The following STK32B variants were observed in gnomAD, a reference collection of about 807,000 sequenced individuals.
STK32B encodes the protein serine/threonine-protein kinase 32B.
Under a neutral mutation model 52.6 loss-of-function variants are expected in STK32B, and 43 were observed. The observed-to-expected ratio is 0.82, with a 90% CI of 0.64 to 1.05. The LOEUF is 1.05. Among genes scored for constraint, STK32B ranks in the 50% least tolerant of loss-of-function variants. The pLI is 0.00. For missense variants in STK32B, 621 were observed against 534.6 expected, an observed-to-expected ratio of 1.16 and a Z score of -1.59; for synonymous variants, 238 against 204.3, an observed-to-expected ratio of 1.17 and a Z score of -1.41.
the STK32B span, among the ~76,000 whole-genome samples, chr4:5,022,466 T>G: frequency 6.6e-6 from 1 of 152,214 alleles, no homozygotes; most frequent in South Asian, 2.1e-4. Flanking sequence ...AAATGTCTCC[T>G]TCACCACGAA....
chr4:5,260,492 T>A (rs1726640453), intron 3 of STK32B, among the ~76,000 whole-genome samples: 1 of 152,170 alleles, frequency 6.6e-6, no homozygotes, highest in Non-Finnish European at 1.5e-5. Context: ...AGCCTTTAAC[T>A]CTGCCTGGAA....
At chr4:5,236,722 C>T (rs1724663621) in intron 3 of STK32B, among the ~76,000 whole-genome samples, 1 of 152,174 alleles carries the variant, frequency 6.6e-6, no homozygotes, top group Non-Finnish European at 1.5e-5. Context: ...TGCTTCCATG[C>T]GTTGCTATAC....
intron 7 of STK32B, among the ~76,000 whole-genome samples, chr4:5,451,786 A>G (rs1413984021): frequency 1.3e-5 from 2 of 152,172 alleles, no homozygotes; most frequent in Non-Finnish European, 2.9e-5. Flanking sequence ...ACATTGCCAC[A>G]TATCCCCTGG....
intron 9 of STK32B, among the ~76,000 whole-genome samples, chr4:5,462,496 C>T (rs921774282): frequency 1.3e-5 from 2 of 152,120 alleles, no homozygotes; most frequent in African/African-American, 4.8e-5. Flanking sequence ...CAGTCTGCAT[C>T]CCATTTCCCA....
intron 6 of STK32B, among the ~76,000 whole-genome samples, chr4:5,426,129 T>G (rs541494680): frequency 6.6e-6 from 1 of 152,296 alleles, no homozygotes; most frequent in South Asian, 2.1e-4. Flanking sequence ...GAAGTGAGAT[T>G]GCTGGATCAT....
chr4:5,038,836 A>G, the STK32B span, among the ~76,000 whole-genome samples: 2 of 152,136 alleles, frequency 1.3e-5, no homozygotes, highest in East Asian at 3.9e-4. Flanking sequence ...TTATAAAAAC[A>G]TATTTTATTT....
At chr4:5,458,147 G>C (rs971579586) in intron 8 of STK32B, among the ~76,000 whole-genome samples, 41 of 152,128 alleles carry the variant, frequency 2.7e-4, no homozygotes, top group African/African-American at 9.7e-4. Context: ...ACCTGGGGTG[G>C]GCCCCACTGT....
At chr4:5,337,699 G>A (rs190057635) in intron 4 of STK32B, among the ~76,000 whole-genome samples, 261 of 151,836 alleles carry the variant, frequency 1.7e-3, no homozygotes, top group African/African-American at 6.0e-3. Flanking sequence ...GTTGAGTTAC[G>A]AGAGGTTCAG....
chr4:5,330,500 A>T (rs1430296835), intron 3 of STK32B, among the ~76,000 whole-genome samples: 1 of 152,074 alleles, frequency 6.6e-6, no homozygotes, highest in East Asian at 1.9e-4. Context: ...TAATCATCTC[A>T]TGTTCTGTGG....
chr4:5,316,956 TATA>T lies in STK32B; in HGVS notation c.261-14260_261-14258del, dbSNP rs1730946110. ...TATATATAATATATAATATGTATGA[TATA>T]ATATATATAATATATATAATATATA... On this transcript the variant is annotated intron_variant, in intron 3 of 11. Coordinates refer to ENST00000282908, the MANE Select transcript of STK32B (RefSeq NM_018401.3). Among the ~76,000 whole-genome samples the T allele has an allele frequency of 1.1e-4, 3 of 28,490 alleles. 1 individual carries two copies. The highest frequency in any genetic ancestry group is 1.4e-4 in the Non-Finnish European group (3 of 21,648). 18.7% of individuals were successfully genotyped at this position (28,490 alleles called of 152,430 possible).
At chr4:5,056,416 A>G (rs1431234451) in intron 1 of STK32B, among the ~76,000 whole-genome samples, 2 of 152,136 alleles carry the variant, frequency 1.3e-5, no homozygotes, top group African/African-American at 2.4e-5. Flanking sequence ...CTAAAATAAC[A>G]CCTGTAACAT....
At chr4:5,463,497 GAC>G (rs961583125) in intron 9 of STK32B, among the ~76,000 whole-genome samples, 59 of 151,776 alleles carry the variant, frequency 3.9e-4, no homozygotes, top group African/African-American at 1.4e-3. Flanking sequence ...CTCACACATA[GAC>G]ACACATGCAC....
At chr4:5,494,698 T>C (rs552347462) in intron 11 of STK32B, among the ~76,000 whole-genome samples, 1 of 152,264 alleles carries the variant, frequency 6.6e-6, no homozygotes, top group Non-Finnish European at 1.5e-5. Context: ...TGGCATGATG[T>C]TGCAGTGGCT....
intron 3 of STK32B, among the ~76,000 whole-genome samples, chr4:5,327,167 C>T (rs1017074999): frequency 6.6e-6 from 1 of 151,882 alleles, no homozygotes; most frequent in East Asian, 1.9e-4. Flanking sequence ...ACTTTTGCTA[C>T]TTTTACCACG....
intron 1 of STK32B, among the ~76,000 whole-genome samples, chr4:5,071,740 C>T (rs565710255): frequency 4.4e-4 from 67 of 152,282 alleles, no homozygotes; most frequent in African/African-American, 1.6e-3. Context: ...AAGTGATTTG[C>T]ATTGGCATTT....
chr4:5,300,716 G>C (rs1299645566), intron 3 of STK32B, among the ~76,000 whole-genome samples: 3 of 152,028 alleles, frequency 2.0e-5, no homozygotes, highest in Non-Finnish European at 2.9e-5. Context: ...AAATACCTAA[G>C]AGTACATCTA....
intron 3 of STK32B, among the ~76,000 whole-genome samples, chr4:5,313,533 G>A (rs1257705369): frequency 2.6e-5 from 4 of 151,950 alleles, no homozygotes; most frequent in African/African-American, 9.7e-5. Context: ...AGAAAAATAA[G>A]GCATATAGAT....
At chr4:5,265,270 T>C (rs1726986470) in intron 3 of STK32B, among the ~76,000 whole-genome samples, 2 of 152,188 alleles carry the variant, frequency 1.3e-5, no homozygotes, top group South Asian at 4.1e-4. Flanking sequence ...AACGCGTGGG[T>C]GTTTCTACAA....
At chr4:5,361,220 C>G (rs941961873) in intron 4 of STK32B, among the ~76,000 whole-genome samples, 5 of 152,162 alleles carry the variant, frequency 3.3e-5, no homozygotes, top group Admixed American at 6.5e-5. Context: ...ATTCGTTGGT[C>G]AATGGACACT....
Sources: gnomAD v4.1 joint callset for allele counts (sites outside exome capture counted in the v4.1 genomes callset) on GRCh38, gnomAD v4.1.1 for gene constraint, MANE v1.5 for transcripts, NCBI Gene and HGNC (gene_info 2026-07-23, HGNC 2026-07-21) for gene names.